The following PCNX2 variants were observed in gnomAD, a reference collection of about 807,000 sequenced individuals.
The protein encoded by PCNX2 is pecanex 2, also known as pecanex-like protein 2.
PCNX2 carries 168 observed loss-of-function variants against 223.8 expected under a neutral mutation model. The observed-to-expected ratio is 0.75, with a 90% CI of 0.66 to 0.85. The LOEUF is 0.85. Among genes scored for constraint, PCNX2 ranks in the 40% least tolerant of loss-of-function variants. The pLI is 0.00. For synonymous variants in PCNX2, 1,006 were observed against 1,052.6 expected (o/e 0.96, Z 0.86); for missense variants, 2,507 against 2,675.5 (o/e 0.94, Z 1.39).
At chr1:233,209,501 T>C (rs1681704966) in intron 12 of PCNX2, among the ~76,000 whole-genome samples, 1 of 152,358 alleles carries the variant, frequency 6.6e-6, no homozygotes, top group Non-Finnish European at 1.5e-5. Context: ...GGGAAAAATG[T>C]CTTTTGCAAT....
intron 23 of PCNX2, among the ~76,000 whole-genome samples, chr1:233,064,878 A>C (rs1672533314): frequency 6.6e-6 from 1 of 152,220 alleles, no homozygotes. Context: ...CCATACTGAA[A>C]AAATAGGAGT....
chr1:233,073,918 G>A (rs1672970963), intron 23 of PCNX2, among the ~76,000 whole-genome samples: 1 of 152,054 alleles, frequency 6.6e-6, no homozygotes, highest in South Asian at 2.1e-4. Flanking sequence ...CACCATGTCT[G>A]GCCTTATTTT....
the PCNX2 span, among the ~76,000 whole-genome samples, chr1:233,309,637 G>A: frequency 6.6e-6 from 1 of 151,716 alleles, no homozygotes; most frequent in Non-Finnish European, 1.5e-5. Flanking sequence ...TGGCACTTTG[G>A]GAGGCTGAGG....
intron 21 of PCNX2, among the ~76,000 whole-genome samples, chr1:233,101,281 T>C (rs1674473085): frequency 6.6e-6 from 1 of 152,224 alleles, no homozygotes; most frequent in Non-Finnish European, 1.5e-5. Context: ...ATCTCAAATG[T>C]AGGCCACCAT....
intron 19 of PCNX2, among the ~76,000 whole-genome samples, chr1:233,152,578 T>G (rs2102804630): frequency 6.6e-6 from 1 of 152,304 alleles, no homozygotes; most frequent in Non-Finnish European, 1.5e-5. Flanking sequence ...TTGAAAGCAT[T>G]TTTACATATA....
At chr1:233,135,486 A>G (rs1240465915) in intron 20 of PCNX2, among the ~76,000 whole-genome samples, 4 of 152,174 alleles carry the variant, frequency 2.6e-5, no homozygotes, top group Admixed American at 6.5e-5. Context: ...TTTCCATCAC[A>G]TGCTTTTCAA....
rs769685598 is a variant in PCNX2 at position 233,025,387 on chromosome 1, T to C, written c.4364A>G (p.Gln1455Arg). ...CATGATGGCTTCTACCTCCCTCTGC[T>C]GGCAGTAGGTTCCTGGCCGAGCACA... Reference protein sequence around the residue: ...RGLEFRGTYCQQREVEAIMEG... With the variant: ...RGLEFRGTYCRQREVEAIMEG... The change falls in exon 26 of 34, where the codon CAG (glutamine) becomes CGG (arginine). Residue 1455 changes from glutamine to arginine, a missense_variant. Gln to Arg is a conservative substitution (Grantham distance 43, BLOSUM62 1). Coordinates refer to ENST00000258229, the MANE Select transcript of PCNX2 (RefSeq NM_014801.4). 17 of 1,613,772 alleles carry C rather than the reference T, an allele frequency of 1.1e-5. No individual in the cohort carries two copies. Among genetic ancestry groups the C allele is most frequent in the Non-Finnish European group, 6.8e-6 (8 of 1,179,824 alleles).
chr1:233,199,152 A>G (rs1286307050), intron 14 of PCNX2, 122 bp from the exon 15 acceptor site: 1 of 842,876 alleles, frequency 1.2e-6, no homozygotes. Flanking sequence ...GGTAAATAAT[A>G]CATCTATGGG....
At chr1:233,280,856 G>A (rs1449209322) in intron 1 of PCNX2, among the ~76,000 whole-genome samples, 1 of 152,120 alleles carries the variant, frequency 6.6e-6, no homozygotes, top group African/African-American at 2.4e-5. Flanking sequence ...TCTGTGAAAT[G>A]AGAAAAATAA....
chr1:232,987,845 G>A (rs776286650), intron 32 of PCNX2, among the ~76,000 whole-genome samples: 3 of 152,222 alleles, frequency 2.0e-5, no homozygotes, highest in Non-Finnish European at 4.4e-5. Context: ...TGTGATGGTC[G>A]AGTGCCCATT....
chr1:233,213,921 C>T (rs781399216), intron 12 of PCNX2, among the ~76,000 whole-genome samples: 2 of 147,574 alleles, frequency 1.4e-5, no homozygotes, highest in Non-Finnish European at 3.0e-5. Flanking sequence ...CTTTGCCACC[C>T]GGGTTCAAGC....
chr1:233,082,094 C>A (rs1157469611), intron 23 of PCNX2, among the ~76,000 whole-genome samples: 1 of 152,050 alleles, frequency 6.6e-6, no homozygotes, highest in Non-Finnish European at 1.5e-5. Flanking sequence ...GGGTTAATAT[C>A]GTGGCTCAGC....
At chr1:233,176,849 T>TA (rs571314988) in intron 17 of PCNX2, among the ~76,000 whole-genome samples, 1 of 152,092 alleles carries the variant, frequency 6.6e-6, no homozygotes, top group African/African-American at 2.4e-5. Context: ...CCGTCTCTAC[T>TA]AAAAAAATAC....
rs764651233 is a variant in PCNX2, at chr1:233,025,419, A to T, written c.4352-20T>A. ...AGGTTCCTGGCCGAGCACAAACATG[A>T]AGGAAGTTTGAAGAGAAGGCATGCT... On this transcript the variant is annotated intron_variant, in intron 25 of 33. Transcript: ENST00000258229. 1.2e-6 allele frequency: 2 copies of T among 1,611,650 alleles called. No individual in the cohort carries two copies. The highest frequency in any genetic ancestry group is 1.7e-6 in the Non-Finnish European group (2 of 1,178,190).
intron 25 of PCNX2, among the ~76,000 whole-genome samples, chr1:233,051,560 T>C (rs182583927): frequency 1.1e-4 from 16 of 152,308 alleles, no homozygotes; most frequent in Non-Finnish European, 2.2e-4. Context: ...GTAGATGCAG[T>C]TGGATGCCAT....
At chr1:233,104,994 T>C (rs1674683417) in intron 21 of PCNX2, among the ~76,000 whole-genome samples, 1 of 152,160 alleles carries the variant, frequency 6.6e-6, no homozygotes, top group South Asian at 2.1e-4. Flanking sequence ...CTAGAACTTT[T>C]AGAACCCAGG....
chr1:233,276,219 C>T (rs1020986618), intron 1 of PCNX2, among the ~76,000 whole-genome samples: 36 of 152,206 alleles, frequency 2.4e-4, no homozygotes, highest in African/African-American at 6.7e-4. Flanking sequence ...AAGGCAATCA[C>T]GAACAAGCAA....
intron 21 of PCNX2, among the ~76,000 whole-genome samples, chr1:233,102,524 C>A (rs959926081): frequency 2.0e-5 from 3 of 152,036 alleles, no homozygotes; most frequent in Non-Finnish European, 2.9e-5. Context: ...CCCTTACTTG[C>A]TAGCCTTTGT....
chr1:232,990,014 G>A lies in PCNX2; in HGVS notation c.5792-3474C>T, dbSNP rs144344851. On this transcript the variant is annotated intron_variant, in intron 32 of 33. Coordinates refer to ENST00000258229, the MANE Select transcript of PCNX2 (RefSeq NM_014801.4). This position sits in a 1 kb window ranked among gnomAD's most constrained non-coding sequence, Gnocchi z 4.3. ...CCATAGCTGGAGACTGGCCTCTAAC[G>A]CCCCTGCACTGGCCAAGCAGGTCTC... is the stretch of plus-strand genomic sequence containing the variant. 3.9e-5 allele frequency among the ~76,000 whole-genome samples: 6 copies of A among 152,310 alleles called. No individual in the cohort carries two copies. The East Asian group carries it at 5.8e-4, about 15-fold the overall frequency.
Sources: gnomAD v4.1 joint callset for allele counts (sites outside exome capture counted in the v4.1 genomes callset) on GRCh38, gnomAD v4.1.1 for gene constraint, Gnocchi (gnomAD v3.1) non-coding constraint, MANE v1.5 for transcripts, NCBI Gene and HGNC (gene_info 2026-07-23, HGNC 2026-07-21) for gene names.